The following PPP1R12A variants were observed in gnomAD, a reference collection of about 807,000 sequenced individuals.
PPP1R12A encodes the protein protein phosphatase 1 regulatory subunit 12A.
In PPP1R12A, 19 loss-of-function variants were observed where a neutral mutation model predicts 139.6. The ratio of observed to expected loss-of-function variants is 0.14; its 90% CI spans 0.09 to 0.20. The LOEUF is 0.20. Ranked by LOEUF, PPP1R12A falls within the 10% of genes least tolerant of loss-of-function variation. PPP1R12A has a pLI of 1.00. For missense variants in PPP1R12A, 925 were observed against 1,211.5 expected (o/e 0.76, Z 3.51); for synonymous variants, 427 against 420.6 (o/e 1.02, Z -0.19).
At chr12:79,919,401 AAAAATTAGCCAGGCAT>A (rs1318519588) in intron 1 of PPP1R12A, among the ~76,000 whole-genome samples, 1 of 151,862 alleles carries the variant, frequency 6.6e-6, no homozygotes, top group East Asian at 2.0e-4. Context: ...CTAAAAATAC[AAAAATTAGCCAGGCAT>A]GGTGGTGCAT....
intron 2 of PPP1R12A, among the ~76,000 whole-genome samples, chr12:79,857,593 A>T (rs897244297): frequency 2.1e-4 from 32 of 151,652 alleles, no homozygotes; most frequent in African/African-American, 5.8e-4. Flanking sequence ...ATAATAATAA[A>T]AAAATAATAA....
At chr12:79,929,058 A>G (rs1026409268) in intron 1 of PPP1R12A, among the ~76,000 whole-genome samples, 15 of 152,206 alleles carry the variant, frequency 9.9e-5, no homozygotes, top group African/African-American at 3.6e-4. Flanking sequence ...CAATTTTTCC[A>G]CAGATGTGGG....
chr12:79,822,927 T>C (rs1190903572), intron 5 of PPP1R12A, among the ~76,000 whole-genome samples: 1 of 152,056 alleles, frequency 6.6e-6, no homozygotes, highest in African/African-American at 2.4e-5. Flanking sequence ...GCAAAATTAC[T>C]GGGTAATTTA....
chr12:79,907,016 T>G (rs1299503605), intron 1 of PPP1R12A, among the ~76,000 whole-genome samples: 2 of 152,176 alleles, frequency 1.3e-5, no homozygotes, highest in Non-Finnish European at 2.9e-5. Context: ...TCTCTTTACA[T>G]CCATGCATAA....
chr12:79,842,868 T>C (rs1878906316), intron 3 of PPP1R12A, among the ~76,000 whole-genome samples: 1 of 152,054 alleles, frequency 6.6e-6, no homozygotes, highest in Admixed American at 6.6e-5. Context: ...AGTTCTTAAG[T>C]ACATTCACAT....
chr12:79,849,389 A>AG (rs1255004752), intron 2 of PPP1R12A, among the ~76,000 whole-genome samples: 10 of 52,668 alleles, frequency 1.9e-4, no homozygotes, highest in South Asian at 5.6e-4. Flanking sequence ...TCCATTTCAA[A>AG]GGGGGGAAAA....
intron 9 of PPP1R12A, among the ~76,000 whole-genome samples, chr12:79,814,137 A>C (rs1273996332): frequency 6.6e-6 from 1 of 152,174 alleles, no homozygotes; most frequent in African/African-American, 2.4e-5. Flanking sequence ...GAGTATAAGA[A>C]TCACTGAAAA....
intron 5 of PPP1R12A, 90 bp from the exon 6 acceptor site, chr12:79,822,280 CGTTGG>C: frequency 1.1e-6 from 1 of 909,612 alleles, no homozygotes; most frequent in Non-Finnish European, 1.7e-6. Flanking sequence ...TATATAAAGA[CGTTGG>C]ATAACATTTT....
chr12:79,775,244 T>C lies in PPP1R12A; in HGVS notation c.*685A>G, dbSNP rs1204482857. The C allele has an allele frequency of 1.3e-5, 2 of 152,480 alleles. No homozygotes were observed. Among genetic ancestry groups the C allele is most frequent in the East Asian group, 1.9e-4 (1 of 5,198 alleles). 9.4% of individuals were successfully genotyped at this position (152,480 alleles called of 1,614,324 possible). A position where few individuals can be genotyped will look rare whatever the true frequency, so the allele number is the denominator to read the frequency against. On this transcript the variant is annotated 3_prime_UTR_variant, in exon 25 of 25. Coordinates refer to ENST00000450142, the MANE Select transcript of PPP1R12A (RefSeq NM_002480.3). ...ACCTCAAATGACTTTAAAGCATTCA[T>C]ATAAGAAATAAATGCATATTGCACA...
chr12:79,917,478 T>C (rs1167300651), intron 1 of PPP1R12A, among the ~76,000 whole-genome samples: 9 of 98,336 alleles, frequency 9.2e-5, no homozygotes, highest in South Asian at 3.5e-4. Flanking sequence ...AGCGAGACTC[T>C]GTCTCAAAAA....
intron 1 of PPP1R12A, among the ~76,000 whole-genome samples, chr12:79,910,721 C>G (rs1886500899): frequency 6.6e-6 from 1 of 151,958 alleles, no homozygotes; most frequent in East Asian, 1.9e-4. Context: ...AGTCATAACA[C>G]AAAGATGAAT....
intron 8 of PPP1R12A, 93 bp from the exon 9 acceptor site, chr12:79,817,611 G>T (rs1875567503): frequency 1.6e-6 from 2 of 1,272,672 alleles, no homozygotes; most frequent in South Asian, 1.6e-5. Context: ...TTTTGTTTAA[G>T]GTTTTGTTAA....
chr12:79,857,034 G>A (rs916913142), intron 2 of PPP1R12A, among the ~76,000 whole-genome samples: 3 of 152,110 alleles, frequency 2.0e-5, no homozygotes, highest in African/African-American at 4.8e-5. Context: ...CTCCCAACTC[G>A]CAGAGGCAAA....
At chr12:79,876,892 T>G (rs1883156831) in intron 1 of PPP1R12A, among the ~76,000 whole-genome samples, 1 of 151,944 alleles carries the variant, frequency 6.6e-6, no homozygotes, top group South Asian at 2.1e-4. Context: ...ACACCTGTAG[T>G]CCCAGCTACT....
intron 5 of PPP1R12A, among the ~76,000 whole-genome samples, chr12:79,823,083 A>G (rs1876324270): frequency 6.6e-6 from 1 of 152,188 alleles, no homozygotes; most frequent in Admixed American, 6.5e-5. Flanking sequence ...ATTAGTCCAC[A>G]TGAACATATG....
intron 4 of PPP1R12A, among the ~76,000 whole-genome samples, chr12:79,830,670 C>T (rs568504653): frequency 5.6e-4 from 85 of 152,282 alleles, no homozygotes; most frequent in African/African-American, 2.0e-3. Flanking sequence ...CTCATTGTAG[C>T]TTTATTTGCA....
intron 2 of PPP1R12A, among the ~76,000 whole-genome samples, chr12:79,868,584 T>C (rs1882237190): frequency 6.6e-6 from 1 of 152,194 alleles, no homozygotes; most frequent in African/African-American, 2.4e-5. Flanking sequence ...GGCTGCCTTC[T>C]TGTTTCTTCA....
At position 79,863,861 on chromosome 12, in the gene PPP1R12A, G is replaced by C. The variant is rs150558861; in HGVS notation, c.368+8947C>G. Among the ~76,000 whole-genome samples, 912 of 152,158 alleles carry C rather than the reference G, an allele frequency of 6.0e-3. 28 individuals carry two copies. The highest frequency in any genetic ancestry group is 0.043 in the East Asian group (222 of 5,156). On this transcript the variant is annotated intron_variant, in intron 2 of 24. Coordinates refer to ENST00000450142, the MANE Select transcript of PPP1R12A (RefSeq NM_002480.3). ...AAGCAAGTTCTTAGAGACCTACGAAGAGACTTAGACTTCCACACAATAATA... is the reference window on the plus strand; with the variant it reads ...AAGCAAGTTCTTAGAGACCTACGAACAGACTTAGACTTCCACACAATAATA...
chr12:79,778,707 G>T, intron 23 of PPP1R12A, 107 bp from the exon 24 acceptor site: 1 of 742,856 alleles, frequency 1.3e-6, no homozygotes, highest in Non-Finnish European at 2.0e-6. Context: ...CCAATCAGGA[G>T]CAGTGTAGAA....
Sources: allele counts gnomAD v4.1 joint callset (sites outside exome capture counted in the v4.1 genomes callset), GRCh38; gene constraint gnomAD v4.1.1; transcripts MANE v1.5; gene names NCBI Gene and HGNC (gene_info 2026-07-23, HGNC 2026-07-21).